PAWR: variants seen among roughly 807,000 people sequenced by gnomAD.
The protein encoded by PAWR is PRKC apoptosis WT1 regulator protein.
In PAWR, 23 loss-of-function variants were observed where a neutral mutation model predicts 32.0. The observed-to-expected ratio is 0.72, with a 90% confidence interval of 0.52 to 1.02. The LOEUF is 1.02. Among genes scored for constraint, PAWR ranks in the 50% least tolerant of loss-of-function variants. PAWR has a pLI of 0.00. For missense variants in PAWR, 457 were observed against 437.7 expected (o/e 1.04, Z -0.39); for synonymous variants, 226 against 187.1 (o/e 1.21, Z -1.70).
chr12:79,649,770 C>T (rs1876753048), intron 2 of PAWR, among the ~76,000 whole-genome samples: 2 of 152,068 alleles, frequency 1.3e-5, no homozygotes, highest in South Asian at 2.1e-4. Context: ...AGCCTGGTGA[C>T]AGGGTGAGAC....
At chr12:79,685,155 T>C (rs1878623919) in intron 2 of PAWR, among the ~76,000 whole-genome samples, 1 of 152,196 alleles carries the variant, frequency 6.6e-6, no homozygotes, top group Non-Finnish European at 1.5e-5. Flanking sequence ...CCTGATAATA[T>C]TAAAATTTCA....
rs540114924 is a variant in PAWR at position 79,594,663 on chromosome 12, T to G, written c.832-230A>C. The stretch of plus-strand genomic sequence containing the variant: ...GTAAAGCTATGTTTATACAAGTCTT[T>G]AACAAAACTAATGTAATAGACTCAA... On this transcript the variant is annotated intron_variant, in intron 5 of 6. Coordinates refer to ENST00000328827, the MANE Select transcript of PAWR (RefSeq NM_002583.4). Among the ~76,000 whole-genome samples the G allele has an allele frequency of 3.9e-5, 6 of 152,268 alleles. No individual in the cohort carries two copies. The South Asian group carries it at 1.2e-3, about 32-fold the overall frequency.
intron 4 of PAWR, among the ~76,000 whole-genome samples, chr12:79,598,632 G>T (rs962346728): frequency 2.6e-4 from 40 of 152,262 alleles, no homozygotes; most frequent in Admixed American, 5.9e-4. Flanking sequence ...TATCAAATTT[G>T]TAAGGTATTT....
intron 2 of PAWR, chr12:79,668,045 A>C (rs1479459733): frequency 6.6e-6 from 1 of 152,242 alleles, no homozygotes; most frequent in Non-Finnish European, 1.5e-5. Context: ...CTGGGATTAC[A>C]GGCATGTGCC....
At chr12:79,674,675 T>G (rs1878074249) in intron 2 of PAWR, among the ~76,000 whole-genome samples, 1 of 151,772 alleles carries the variant, frequency 6.6e-6, no homozygotes, top group Non-Finnish European at 1.5e-5. Flanking sequence ...AAGTCTAATG[T>G]CCAGAATCTA....
Position 79,592,584 on chromosome 12 carries a change from T to C in PAWR, c.*23A>G, listed in dbSNP as rs764385739. 5.3e-6 allele frequency: 4 copies of C among 750,210 alleles called. No homozygotes were observed. Among genetic ancestry groups the C allele is most frequent in the South Asian group, 1.5e-5 (1 of 68,338 alleles). 46.5% of individuals were successfully genotyped at this position (750,210 alleles called of 1,614,324 possible). A position where few individuals can be genotyped will look rare whatever the true frequency, so the allele number is the denominator to read the frequency against. ...TTCAATCAGTAGTTTAAAATATTTTTTCCACATTGAGTCTTGAATCCTCTA... is the reference window on the plus strand; with the variant it reads ...TTCAATCAGTAGTTTAAAATATTTTCTCCACATTGAGTCTTGAATCCTCTA... On this transcript the variant is annotated 3_prime_UTR_variant, in exon 7 of 7. Coordinates refer to ENST00000328827, the MANE Select transcript of PAWR (RefSeq NM_002583.4).
chr12:79,680,739 T>C (rs970597120), intron 2 of PAWR, among the ~76,000 whole-genome samples: 1 of 152,170 alleles, frequency 6.6e-6, no homozygotes, highest in African/African-American at 2.4e-5. Flanking sequence ...CTGGTCATCC[T>C]TCACAATTAT....
chr12:79,641,301 C>A (rs1169898208), intron 2 of PAWR, among the ~76,000 whole-genome samples: 2 of 152,142 alleles, frequency 1.3e-5, no homozygotes, highest in African/African-American at 4.8e-5. Context: ...CCTTCACAAC[C>A]CTATGAGATA....
In PAWR at chr12:79,596,638, T is replaced by G. The variant is rs148449515; in HGVS notation, c.704A>C (p.Glu235Ala). The change falls in exon 5 of 7, where the codon GAA (glutamate) becomes GCA (alanine). Residue 235 changes from glutamate (E) to alanine (A), a missense_variant. Coordinates refer to ENST00000328827, the MANE Select transcript of PAWR (RefSeq NM_002583.4). ...RYKSTTSVSE[E>A]DVSSRYSRTD... is the part of the protein sequence containing the mutation. ...TCGAGAATATCTACTTGAGACATCTTCTTCAGAGACACTGGTTGTGCTGTG... is the reference window on the plus strand; with the variant it reads ...TCGAGAATATCTACTTGAGACATCTGCTTCAGAGACACTGGTTGTGCTGTG... The G allele has an allele frequency of 1.6e-5, 25 of 1,595,926 alleles. No homozygotes were observed. The African/African-American group carries it at 3.4e-4, about 22-fold the overall frequency.
intron 4 of PAWR, among the ~76,000 whole-genome samples, chr12:79,607,822 C>G (rs1394357017): frequency 1.3e-5 from 2 of 151,538 alleles, no homozygotes; most frequent in Non-Finnish European, 2.9e-5. Context: ...TTTGTGTCTA[C>G]TTGGTGGTTC....
At chr12:79,615,781 G>A (rs1224207550) in intron 3 of PAWR, among the ~76,000 whole-genome samples, 2 of 152,100 alleles carry the variant, frequency 1.3e-5, no homozygotes, top group African/African-American at 4.8e-5. Context: ...TTCCAGCTGG[G>A]TGCAGTGGCT....
At chr12:79,647,999 A>G (rs963170553) in intron 2 of PAWR, among the ~76,000 whole-genome samples, 2 of 152,130 alleles carry the variant, frequency 1.3e-5, no homozygotes, top group East Asian at 1.9e-4. Flanking sequence ...CACAGTTCAC[A>G]TAAGGTTCAC....
At chr12:79,657,624 T>C (rs2136815009) in intron 2 of PAWR, among the ~76,000 whole-genome samples, 1 of 152,028 alleles carries the variant, frequency 6.6e-6, no homozygotes, top group Non-Finnish European at 1.5e-5. Flanking sequence ...ACCCCGTCTC[T>C]ACTAAAAACA....
intron 2 of PAWR, among the ~76,000 whole-genome samples, chr12:79,658,350 G>T (rs879866578): frequency 5.3e-5 from 8 of 152,092 alleles, no homozygotes; most frequent in Non-Finnish European, 1.0e-4. Context: ...TCAACTTAGA[G>T]GTCTATCATC....
At chr12:79,629,139 A>G (rs1188835330) in intron 2 of PAWR, among the ~76,000 whole-genome samples, 2 of 152,134 alleles carry the variant, frequency 1.3e-5, no homozygotes, top group Non-Finnish European at 2.9e-5. Context: ...TCAAGCAGGA[A>G]GATTTAAACC....
chr12:79,632,058 G>A (rs573980704), intron 2 of PAWR: 50 of 148,074 alleles, frequency 3.4e-4, no homozygotes, highest in African/African-American at 6.0e-4. Flanking sequence ...GCTTGAACCC[G>A]GGAGGCAGAA....
chr12:79,642,333 A>T (rs1592525313), intron 2 of PAWR, among the ~76,000 whole-genome samples: 1 of 152,246 alleles, frequency 6.6e-6, no homozygotes, highest in Admixed American at 6.5e-5. Context: ...CAGGACAACA[A>T]GAAAAATTGG....
intron 3 of PAWR, among the ~76,000 whole-genome samples, chr12:79,620,569 G>C (rs912666391): frequency 2.6e-5 from 4 of 152,186 alleles, no homozygotes; most frequent in Admixed American, 2.0e-4. Context: ...TCCCATAAAG[G>C]GGCAGCCAGA....
intron 2 of PAWR, among the ~76,000 whole-genome samples, chr12:79,640,123 G>A (rs755422734): frequency 4.0e-5 from 6 of 151,858 alleles, no homozygotes; most frequent in South Asian, 2.1e-4. Context: ...CAGGCTTGTC[G>A]AACTCCTGAC....
Sources: allele counts gnomAD v4.1 joint callset (sites outside exome capture counted in the v4.1 genomes callset), GRCh38; gene constraint gnomAD v4.1.1; transcripts MANE v1.5; gene names NCBI Gene and HGNC (gene_info 2026-07-23, HGNC 2026-07-21).